The following ZDHHC21 variants were observed in gnomAD, a reference collection of about 807,000 sequenced individuals.
The protein encoded by ZDHHC21 is zDHHC palmitoyltransferase 21.
A neutral mutation model predicts 34.6 loss-of-function variants in ZDHHC21; 15 were observed. The ratio of observed to expected loss-of-function variants is 0.43; its 90% confidence interval spans 0.29 to 0.67. The LOEUF (loss-of-function observed/expected upper bound fraction) is 0.67. Ranked by LOEUF, ZDHHC21 falls within the 30% of genes least tolerant of loss-of-function variation. The probability of loss-of-function intolerance (pLI) is 0.14; values close to 1 mark genes in which losing one functional copy is unlikely to be tolerated. For synonymous variants in ZDHHC21, 142 were observed against 101.8 expected, an observed-to-expected ratio of 1.40 and a Z score of -2.38; for missense variants, 344 against 327.7, an observed-to-expected ratio of 1.05 and a Z score of -0.38.
At chr9:14,682,281 G>A (rs1171251539) in intron 2 of ZDHHC21, among the ~76,000 whole-genome samples, 2 of 152,148 alleles carry the variant, frequency 1.3e-5, no homozygotes, top group African/African-American at 4.8e-5. Flanking sequence ...TCAGTGTGCT[G>A]TATTCAGGAG....
rs1265856425 is a variant in ZDHHC21, at chr9:14,639,877, A to G, written c.621+19T>C. On this transcript the variant is annotated intron_variant, in intron 8 of 9. Coordinates refer to ENST00000380916, the MANE Select transcript of ZDHHC21 (RefSeq NM_178566.6). ...GTAATATATTCATAAATGTTACTTT[A>G]CATTAAAAATATACTTACTGTGATG... The G allele has an allele frequency of 7.4e-7, 1 of 1,355,682 alleles. No individual in the cohort carries two copies. Among genetic ancestry groups the G allele is most frequent in the Non-Finnish European group, 1.0e-6 (1 of 977,334 alleles). The allele number at this position is 1,355,682 out of a possible 1,614,324, so 84.0% of individuals were successfully genotyped here. A position where few individuals can be genotyped will look rare whatever the true frequency, so the allele number is the denominator to read the frequency against.
At chr9:14,662,126 A>T (rs1833506942) in intron 6 of ZDHHC21, 89 bp downstream of exon 6, 2 of 793,188 alleles carry the variant, frequency 2.5e-6, no homozygotes, top group Admixed American at 6.5e-5. Flanking sequence ...TATAACTTTA[A>T]CATAACTGTT....
intron 3 of ZDHHC21, among the ~76,000 whole-genome samples, chr9:14,675,946 C>T (rs1836295689): frequency 1.3e-5 from 2 of 151,884 alleles, no homozygotes; most frequent in Admixed American, 6.6e-5. Flanking sequence ...GTATTACAAC[C>T]TGCCATCACA....
downstream of ZDHHC21, among the ~76,000 whole-genome samples, chr9:14,610,582 A>AGACCTGCTGATTGATTTGTCTTTTC (rs1201842868): frequency 6.6e-6 from 1 of 151,998 alleles, no homozygotes; most frequent in East Asian, 1.9e-4. Context: ...ACTGTCTTTA[A>AGACCTGCTGATTGATTTGTCTTTTC]GACCTGCTGA....
At chr9:14,641,596 C>T (rs1829393094) in intron 7 of ZDHHC21, among the ~76,000 whole-genome samples, 1 of 152,104 alleles carries the variant, frequency 6.6e-6, no homozygotes, top group South Asian at 2.1e-4. Context: ...ACCCGTCAAA[C>T]ATCTACCAGC....
intron 8 of ZDHHC21, among the ~76,000 whole-genome samples, chr9:14,633,633 C>A (rs560982231): frequency 2.0e-5 from 3 of 152,124 alleles, no homozygotes; most frequent in Non-Finnish European, 2.9e-5. Flanking sequence ...ATATTCCCTG[C>A]CCACAGCCAC....
downstream of ZDHHC21, among the ~76,000 whole-genome samples, chr9:14,606,877 C>T (rs1384814486): frequency 6.6e-6 from 1 of 151,950 alleles, no homozygotes; most frequent in Admixed American, 6.6e-5. Flanking sequence ...TATTACTTTG[C>T]TACAAATTTT....
At chr9:14,646,111 A>C (rs2133783371) in intron 7 of ZDHHC21, among the ~76,000 whole-genome samples, 1 of 152,324 alleles carries the variant, frequency 6.6e-6, no homozygotes, top group East Asian at 1.9e-4. Context: ...TGCTCACAAT[A>C]GCATTATTTA....
chr9:14,693,401 A>T lies in ZDHHC21; in HGVS notation c.-397T>A, dbSNP rs982835655. 1 of 299,642 alleles carries T rather than the reference A, an allele frequency of 3.3e-6. No homozygotes were observed. Among genetic ancestry groups the T allele is most frequent in the African/African-American group, 2.3e-5 (1 of 42,620 alleles). 18.6% of individuals were successfully genotyped at this position (299,642 alleles called of 1,614,324 possible). On this transcript the variant is annotated 5_prime_UTR_variant, in exon 1 of 10. It removes an upstream start codon present in the reference 5' UTR. Coordinates refer to ENST00000380916, the MANE Select transcript of ZDHHC21 (RefSeq NM_178566.6). ...CTGGACCGGCCGAGTGGGTGTCCGC[A>T]TGCCCGCGCGCCCGCGTGGGGAGGG... is the stretch of plus-strand genomic sequence containing the variant.
intron 5 of ZDHHC21, 76 bp downstream of exon 5, chr9:14,672,754 A>G (rs1709619270): frequency 1.0e-6 from 1 of 982,494 alleles, no homozygotes. Context: ...ACCAATATAT[A>G]TTAAAGGCAA....
At chr9:14,660,617 G>C (rs985610868) in intron 6 of ZDHHC21, among the ~76,000 whole-genome samples, 7 of 152,010 alleles carry the variant, frequency 4.6e-5, no homozygotes, top group African/African-American at 1.7e-4. Flanking sequence ...TAGGTCCCTT[G>C]TCTACTCTCC....
At chr9:14,590,750 A>T in the ZDHHC21 span, among the ~76,000 whole-genome samples, 1 of 152,172 alleles carries the variant, frequency 6.6e-6, no homozygotes, top group Non-Finnish European at 1.5e-5. Context: ...ATGTAAAAGG[A>T]AATTCTCAGA....
At chr9:14,624,828 C>T (rs1188074306) in intron 8 of ZDHHC21, among the ~76,000 whole-genome samples, 1 of 151,982 alleles carries the variant, frequency 6.6e-6, no homozygotes, top group Non-Finnish European at 1.5e-5. Context: ...AAATGAAAAA[C>T]GTTTGAGGTG....
At chr9:14,598,044 T>C in the ZDHHC21 span, among the ~76,000 whole-genome samples, 50 of 152,056 alleles carry the variant, frequency 3.3e-4, no homozygotes, top group Admixed American at 2.2e-3. Flanking sequence ...ACTGGCATTA[T>C]CAAAGCCATG....
At chr9:14,688,776 T>G (rs1336804910) in intron 2 of ZDHHC21, among the ~76,000 whole-genome samples, 1 of 152,098 alleles carries the variant, frequency 6.6e-6, no homozygotes, top group Non-Finnish European at 1.5e-5. Context: ...ACAGGAGAAT[T>G]GCTTGAACCC....
At chr9:14,676,247 T>A (rs1836353526) in intron 3 of ZDHHC21, among the ~76,000 whole-genome samples, 1 of 151,892 alleles carries the variant, frequency 6.6e-6, no homozygotes, top group African/African-American at 2.4e-5. Context: ...TTCTGGTTGA[T>A]TAGATATTAG....
chr9:14,621,929 A>G (rs1445126309), intron 8 of ZDHHC21, among the ~76,000 whole-genome samples: 1 of 152,138 alleles, frequency 6.6e-6, no homozygotes, highest in African/African-American at 2.4e-5. Flanking sequence ...ATTCAATACT[A>G]AAGACTCAAC....
the ZDHHC21 span, among the ~76,000 whole-genome samples, chr9:14,591,059 G>C: frequency 6.6e-6 from 1 of 152,022 alleles, no homozygotes; most frequent in African/African-American, 2.4e-5. Context: ...CTGTGATATG[G>C]CATATTGTAA....
chr9:14,690,782 T>C (rs925676382), intron 1 of ZDHHC21, among the ~76,000 whole-genome samples: 2 of 152,264 alleles, frequency 1.3e-5, no homozygotes, highest in African/African-American at 4.8e-5. Context: ...CTAGTCTGAC[T>C]TGACTTATCA....
Sources: allele counts gnomAD v4.1 joint callset (sites outside exome capture counted in the v4.1 genomes callset), GRCh38; gene constraint gnomAD v4.1.1; transcripts MANE v1.5; gene names NCBI Gene and HGNC (gene_info 2026-07-23, HGNC 2026-07-21).